The following CNTNAP5 variants were observed in gnomAD, a reference collection of about 807,000 sequenced individuals.
CNTNAP5 encodes contactin associated protein family member 5.
CNTNAP5 carries 72 observed loss-of-function variants against 150.2 expected under a neutral mutation model. The observed-to-expected ratio is 0.48, with a 90% CI of 0.40 to 0.58. The LOEUF (loss-of-function observed/expected upper bound fraction) is 0.58, where lower values mean the gene tolerates loss of function less well. Ranked by LOEUF, CNTNAP5 falls within the 20% of genes least tolerant of loss-of-function variation. The pLI is 0.00. For missense variants in CNTNAP5, 1,636 were observed against 1,626.2 expected, an observed-to-expected ratio of 1.01 and a Z score of -0.10; for synonymous variants, 672 against 619.8, an observed-to-expected ratio of 1.08 and a Z score of -1.25.
chr2:124,711,542 T>C (rs1024225589), intron 13 of CNTNAP5, among the ~76,000 whole-genome samples: 3 of 152,168 alleles, frequency 2.0e-5, no homozygotes, highest in Non-Finnish European at 4.4e-5. Flanking sequence ...ACAGGCAACA[T>C]GGCTTAAGCG....
intron 16 of CNTNAP5, among the ~76,000 whole-genome samples, chr2:124,766,147 A>AT (rs1681064070): frequency 6.6e-6 from 1 of 152,068 alleles, no homozygotes; most frequent in Non-Finnish European, 1.5e-5. Context: ...GGTTCTCTGC[A>AT]TGCAGCACAC....
chr2:124,869,524 G>C, intron 20 of CNTNAP5, 151 bp from the exon 21 acceptor site: 2 of 556,864 alleles, frequency 3.6e-6, no homozygotes, highest in Non-Finnish European at 6.6e-6. Flanking sequence ...GGGCAAATTA[G>C]CGAGACCTGT....
intron 8 of CNTNAP5, among the ~76,000 whole-genome samples, chr2:124,515,845 G>A (rs1694702046): frequency 6.6e-6 from 1 of 152,182 alleles, no homozygotes; most frequent in African/African-American, 2.4e-5. Context: ...AAGACAGAGG[G>A]AGACTTGATT....
chr2:124,648,043 G>A, intron 13 of CNTNAP5, 85 bp downstream of exon 13: 1 of 1,255,716 alleles, frequency 8.0e-7, no homozygotes, highest in Non-Finnish European at 1.1e-6. Flanking sequence ...TTGCCAAGAA[G>A]GGGGCTATAG....
chr2:124,233,267 G>A (rs1202280058), intron 2 of CNTNAP5, among the ~76,000 whole-genome samples: 1 of 152,000 alleles, frequency 6.6e-6, no homozygotes, highest in East Asian at 1.9e-4. Context: ...TGTTTTTTAA[G>A]CTATCAGAGT....
intron 3 of CNTNAP5, among the ~76,000 whole-genome samples, chr2:124,244,520 T>A (rs1446330474): frequency 2.0e-5 from 3 of 152,098 alleles, no homozygotes; most frequent in East Asian, 3.9e-4. Flanking sequence ...CCGTCTACAG[T>A]GAGGCAGGAA....
chr2:124,168,789 C>T (rs1048046600), intron 1 of CNTNAP5, among the ~76,000 whole-genome samples: 2 of 152,110 alleles, frequency 1.3e-5, no homozygotes, highest in Non-Finnish European at 2.9e-5. Flanking sequence ...TACATCATTA[C>T]TATTTATTGA....
At chr2:124,070,897 AT>A (rs1558744769) in intron 1 of CNTNAP5, among the ~76,000 whole-genome samples, 1 of 152,016 alleles carries the variant, frequency 6.6e-6, no homozygotes, top group Admixed American at 6.6e-5. Context: ...CAGAAAATAC[AT>A]TCTTCTCCTC....
intron 1 of CNTNAP5, among the ~76,000 whole-genome samples, chr2:124,164,334 A>G (rs1253026520): frequency 6.6e-6 from 1 of 152,216 alleles, no homozygotes; most frequent in African/African-American, 2.4e-5. Context: ...CCATTGATTA[A>G]GACACAACCC....
intron 1 of CNTNAP5, among the ~76,000 whole-genome samples, chr2:124,150,470 A>G (rs1684378326): frequency 1.3e-5 from 2 of 152,210 alleles, no homozygotes; most frequent in African/African-American, 2.4e-5. Flanking sequence ...AGTCAGTTTC[A>G]GCTGCTATAA....
At chr2:124,334,688 T>C (rs554843760) in intron 3 of CNTNAP5, among the ~76,000 whole-genome samples, 45 of 152,320 alleles carry the variant, frequency 3.0e-4, no homozygotes, top group Admixed American at 3.3e-4. Context: ...ACTTTTGTTT[T>C]AGGTCAGATT....
intron 1 of CNTNAP5, among the ~76,000 whole-genome samples, chr2:124,192,310 G>A (rs1685478214): frequency 1.3e-5 from 2 of 152,110 alleles, no homozygotes; most frequent in African/African-American, 2.4e-5. Flanking sequence ...CTTCTCCCTG[G>A]AGAATGCTGT....
chr2:124,104,594 T>C (rs1435576714), intron 1 of CNTNAP5, among the ~76,000 whole-genome samples: 1 of 152,194 alleles, frequency 6.6e-6, no homozygotes, highest in Admixed American at 6.5e-5. Context: ...CCAATGAACA[T>C]TTTTTAGTCC....
intron 1 of CNTNAP5, among the ~76,000 whole-genome samples, chr2:124,148,719 T>A (rs1684323436): frequency 6.6e-6 from 1 of 151,000 alleles, no homozygotes; most frequent in Non-Finnish European, 1.5e-5. Context: ...AAACTATTGA[T>A]AATGCTCTTT....
intron 3 of CNTNAP5, among the ~76,000 whole-genome samples, chr2:124,281,745 G>T (rs1688017054): frequency 6.6e-6 from 1 of 152,104 alleles, no homozygotes; most frequent in Non-Finnish European, 1.5e-5. Flanking sequence ...TTCACAAGCG[G>T]GCTTCAGGGT....
intron 17 of CNTNAP5, among the ~76,000 whole-genome samples, chr2:124,775,178 T>C (rs1436070390): frequency 2.0e-5 from 3 of 152,236 alleles, no homozygotes; most frequent in South Asian, 2.1e-4. Flanking sequence ...TTCAGTGATA[T>C]GCCCATTTAG....
chr2:124,210,059 A>C (rs1469960408), intron 1 of CNTNAP5, among the ~76,000 whole-genome samples: 1 of 152,144 alleles, frequency 6.6e-6, no homozygotes, highest in Non-Finnish European at 1.5e-5. Flanking sequence ...GAAGCAAGGA[A>C]CTAAAATTTT....
chr2:124,222,789 A>G (rs1340815348), intron 2 of CNTNAP5, among the ~76,000 whole-genome samples: 1 of 151,288 alleles, frequency 6.6e-6, no homozygotes, highest in Non-Finnish European at 1.5e-5. Context: ...TATAATTTTA[A>G]TCTCCATTAT....
intron 1 of CNTNAP5, among the ~76,000 whole-genome samples, chr2:124,044,598 AGTCCCACAG>A (rs1180535071): frequency 6.6e-6 from 1 of 152,166 alleles, no homozygotes; most frequent in Non-Finnish European, 1.5e-5. Context: ...GACTACAGAG[AGTCCCACAG>A]GTCTTGGGTT....
Sources: allele counts gnomAD v4.1 joint callset (sites outside exome capture counted in the v4.1 genomes callset), GRCh38; gene constraint gnomAD v4.1.1; transcripts MANE v1.5; gene names NCBI Gene and HGNC (gene_info 2026-07-23, HGNC 2026-07-21).